The following TERF1 variants were observed in gnomAD, a reference collection of about 807,000 sequenced individuals.
TERF1 encodes the protein telomeric repeat-binding factor 1.
Under a neutral mutation model 55.1 loss-of-function variants are expected in TERF1, and 20 were observed. The observed-to-expected ratio is 0.36, with a 90% CI of 0.26 to 0.53. The LOEUF (loss-of-function observed/expected upper bound fraction) is 0.53, where lower values mean the gene tolerates loss of function less well. TERF1 is among the 20% of genes least tolerant of loss of function. The probability of loss-of-function intolerance (pLI) is 0.91; values close to 1 mark genes in which losing one functional copy is unlikely to be tolerated. For synonymous variants in TERF1, 168 were observed against 181.2 expected, an observed-to-expected ratio of 0.93 and a Z score of 0.59; for missense variants, 439 against 535.7, an observed-to-expected ratio of 0.82 and a Z score of 1.78.
At chr8:73,038,886 T>A in intron 8 of TERF1, 1 of 536,316 alleles carries the variant, frequency 1.9e-6, no homozygotes, top group Non-Finnish European at 2.7e-6. Context: ...TGTGAAATGA[T>A]TTATTTAAAG....
At position 73,009,436 on chromosome 8, in the gene TERF1, G is replaced by T. The variant is rs1808185206; in HGVS notation, c.319+231G>T. The T allele has an allele frequency of 2.0e-5, 11 of 560,490 alleles. No homozygotes were observed. In the South Asian group the frequency reaches 2.4e-4, roughly 12 times the overall value. 34.7% of individuals were successfully genotyped at this position (560,490 alleles called of 1,614,324 possible). On this transcript the variant is annotated intron_variant, in intron 1 of 9. Coordinates refer to ENST00000276603, the MANE Select transcript of TERF1 (RefSeq NM_017489.3). The stretch of plus-strand genomic sequence containing the variant: ...TTCGATAAAATGAAAATAAGACCCT[G>T]TTTAGGTTTGATGCAAGCATTAAAT...
chr8:73,014,715 A>G (rs550891995), intron 2 of TERF1, among the ~76,000 whole-genome samples: 1 of 152,316 alleles, frequency 6.6e-6, no homozygotes, highest in East Asian at 1.9e-4. Context: ...CTTACATAAA[A>G]CTGCTTGCTT....
intron 8 of TERF1, among the ~76,000 whole-genome samples, chr8:73,037,196 TATATA>T (rs1427915087): frequency 2.2e-5 from 3 of 135,372 alleles, no homozygotes; most frequent in African/African-American, 5.4e-5. Flanking sequence ...TAATATATAT[TATATA>T]ATATAATTTA....
At chr8:73,022,958 A>G (rs1808832219) in intron 4 of TERF1, among the ~76,000 whole-genome samples, 1 of 152,172 alleles carries the variant, frequency 6.6e-6, no homozygotes, top group East Asian at 1.9e-4. Flanking sequence ...ATAAAATAGT[A>G]TAGTATTTGC....
intron 8 of TERF1, among the ~76,000 whole-genome samples, chr8:73,038,509 T>C (rs1414850829): frequency 6.6e-6 from 1 of 152,150 alleles, no homozygotes; most frequent in Non-Finnish European, 1.5e-5. Context: ...GTGGCTATTG[T>C]AAATAGTATC....
chr8:73,046,935 G>C lies in TERF1; in HGVS notation c.*798G>C, dbSNP rs191616496. Reference sequence around the variant, plus strand: ...AATGTACAGAGTAACCTATAAGCATGACATACTTTTGCTTTCAGTAGTTTC... The same window carrying C: ...AATGTACAGAGTAACCTATAAGCATCACATACTTTTGCTTTCAGTAGTTTC... On this transcript the variant is annotated 3_prime_UTR_variant, in exon 10 of 10. Coordinates refer to ENST00000276603, the MANE Select transcript of TERF1 (RefSeq NM_017489.3). The C allele has an allele frequency of 7.2e-5, 11 of 152,218 alleles. No homozygotes were observed. Among genetic ancestry groups the C allele is most frequent in the African/African-American group, 2.4e-4 (10 of 41,554 alleles). 9.4% of individuals were successfully genotyped at this position (152,218 alleles called of 1,614,324 possible).
At chr8:73,035,136 A>G (rs1157881130) in intron 8 of TERF1, among the ~76,000 whole-genome samples, 3 of 152,200 alleles carry the variant, frequency 2.0e-5, no homozygotes, top group African/African-American at 7.2e-5. Flanking sequence ...AATAAAGAAT[A>G]TGAAATGCTT....
At chr8:73,033,116 G>A (rs1809363818) in intron 8 of TERF1, among the ~76,000 whole-genome samples, 1 of 145,924 alleles carries the variant, frequency 6.9e-6, no homozygotes, top group South Asian at 2.1e-4. Flanking sequence ...ATGCTCATAA[G>A]GTACCATCTT....
intron 6 of TERF1, among the ~76,000 whole-genome samples, chr8:73,027,864 G>T (rs1266983130): frequency 2.6e-5 from 4 of 151,852 alleles, no homozygotes; most frequent in African/African-American, 4.8e-5. Flanking sequence ...GTTCAAGTTG[G>T]ATCTACACTG....
At chr8:73,012,352 CA>C (rs1808311685) in intron 1 of TERF1, 1 of 152,118 alleles carries the variant, frequency 6.6e-6, no homozygotes, top group South Asian at 2.1e-4. Context: ...CAAGAATTAT[CA>C]AAATGTGACA....
intron 2 of TERF1, among the ~76,000 whole-genome samples, chr8:73,016,251 A>G (rs1026892448): frequency 6.6e-6 from 1 of 152,166 alleles, no homozygotes; most frequent in Non-Finnish European, 1.5e-5. Flanking sequence ...ATGTATGGCT[A>G]GTAGCTGTGC....
At chr8:73,039,660 A>G (rs1809749274) in intron 9 of TERF1, among the ~76,000 whole-genome samples, 2 of 151,946 alleles carry the variant, frequency 1.3e-5, no homozygotes, top group African/African-American at 4.8e-5. Context: ...TTCCCCTTTC[A>G]GTGACTATAG....
intron 6 of TERF1, among the ~76,000 whole-genome samples, chr8:73,028,914 A>G (rs1200772726): frequency 6.6e-6 from 1 of 152,198 alleles, no homozygotes; most frequent in African/African-American, 2.4e-5. Context: ...GCTTTGAAGC[A>G]TCTTAATTAG....
intron 9 of TERF1, among the ~76,000 whole-genome samples, chr8:73,043,868 C>T (rs1203450795): frequency 1.3e-5 from 2 of 152,118 alleles, no homozygotes; most frequent in African/African-American, 4.8e-5. Context: ...CTTTTTAAAG[C>T]TGAATAACGT....
intron 4 of TERF1, 82 bp from the exon 5 acceptor site, chr8:73,024,740 C>A: frequency 9.8e-7 from 1 of 1,017,048 alleles, no homozygotes; most frequent in Non-Finnish European, 1.4e-6. Flanking sequence ...GATTTCTTTT[C>A]AATTAAATAA....
In TERF1 at chr8:73,039,081, A is replaced by G. The variant is rs766963430; in HGVS notation, c.1040-35A>G. On this transcript the variant is annotated intron_variant, in intron 8 of 9. Coordinates refer to ENST00000276603, the MANE Select transcript of TERF1 (RefSeq NM_017489.3). The stretch of plus-strand genomic sequence containing the variant: ...TAATTGCTCTTTTTTCTTTAATGTA[A>G]ATCAATATTTATGACATTATTTTTC... 3.3e-5 allele frequency: 44 copies of G among 1,326,708 alleles called. No individual in the cohort carries two copies. In the Admixed American group the frequency reaches 6.1e-4, roughly 18 times the overall value. The allele number at this position is 1,326,708 out of a possible 1,614,324, so 82.2% of individuals were successfully genotyped here. A position where few individuals can be genotyped will look rare whatever the true frequency, so the allele number is the denominator to read the frequency against.
At chr8:73,026,704 T>TATTTACAAGGAAAGA (rs1809020805) in intron 5 of TERF1, among the ~76,000 whole-genome samples, 2 of 152,012 alleles carry the variant, frequency 1.3e-5, no homozygotes, top group African/African-American at 4.8e-5. Flanking sequence ...CTATCAAATA[T>TATTTACAAGGAAAGA]ATTTACAAGG....
intron 8 of TERF1, among the ~76,000 whole-genome samples, chr8:73,037,740 TA>T (rs1809627990): frequency 2.4e-5 from 2 of 84,686 alleles, no homozygotes; most frequent in African/African-American, 1.0e-4. Context: ...TAGTATGAAA[TA>T]TATATTATAT....
intron 5 of TERF1, among the ~76,000 whole-genome samples, chr8:73,026,384 C>A (rs1029271404): frequency 3.3e-5 from 5 of 150,532 alleles, no homozygotes; most frequent in Admixed American, 3.3e-4. Context: ...GCCTGTAGTC[C>A]CAGCTACCTA....
Sources: gnomAD v4.1 joint callset for allele counts (sites outside exome capture counted in the v4.1 genomes callset) on GRCh38, gnomAD v4.1.1 for gene constraint, MANE v1.5 for transcripts, NCBI Gene and HGNC (gene_info 2026-07-23, HGNC 2026-07-21) for gene names.